Variants in ARFGEF1 observed in about 807,000 individuals in gnomAD.
ARFGEF1 encodes ARF guanine nucleotide exchange factor 1, also known as brefeldin A-inhibited guanine nucleotide-exchange protein 1.
ARFGEF1 carries 42 observed loss-of-function variants against 231.0 expected under a neutral mutation model. The ratio of observed to expected loss-of-function variants is 0.18; its 90% CI spans 0.14 to 0.24. The LOEUF (loss-of-function observed/expected upper bound fraction) is 0.24. ARFGEF1 is among the 10% of genes least tolerant of loss of function. The pLI is 1.00. For synonymous variants in ARFGEF1, 710 were observed against 732.3 expected (o/e 0.97, Z 0.49); for missense variants, 1,345 against 2,192.0 (o/e 0.61, Z 7.72).
intron 5 of ARFGEF1, among the ~76,000 whole-genome samples, chr8:67,189,655 G>C (rs1563795677): frequency 6.6e-6 from 1 of 152,036 alleles, no homozygotes; most frequent in Non-Finnish European, 1.5e-5. Flanking sequence ...TGCAGTGTAG[G>C]AGCCAGTCCT....
In ARFGEF1 at chr8:67,200,460, C is replaced by T. The variant is rs1232838320; in HGVS notation, c.5321G>A (p.Arg1774Gln). Reference sequence around the variant, plus strand: ...AAGCAGTAAGTTAGTCCAGGCTTCTCGATGACTTTCTGATGTTAGAGTGAG... The same window carrying T: ...AAGCAGTAAGTTAGTCCAGGCTTCTTGATGACTTTCTGATGTTAGAGTGAG... The part of the protein sequence containing the change: ...YFLTLTSESH[R>Q]EAWTNLLLLF... Residue 1774 changes from arginine (R) to glutamine (Q), a missense_variant, in exon 38 of 39, where the codon CGA becomes CAA. By Grantham distance (43) the Arg-to-Gln change is conservative. Coordinates refer to ENST00000262215, the MANE Select transcript of ARFGEF1 (RefSeq NM_006421.5). The T allele has an allele frequency of 6.2e-7, 1 of 1,606,906 alleles. No homozygotes were observed. Among genetic ancestry groups the T allele is most frequent in the African/African-American group, 1.3e-5 (1 of 74,726 alleles).
In ARFGEF1 at chr8:67,201,527, C is replaced by T. The variant is rs1261248319; in HGVS notation, c.5207G>A (p.Arg1736Gln). The change falls in exon 37 of 39, where the codon CGG becomes CAG. Residue 1736 changes from arginine to glutamine, a missense_variant. By Grantham distance (43) the Arg-to-Gln change is conservative. Around this residue, in one of 14 missense-constraint regions of ARFGEF1, gnomAD observed 161 missense variants for 284.9 expected, o/e 0.57. Transcript: ENST00000262215. ...SLACGLRILFRMYMDESRVSA... is the reference protein window; with the variant it reads ...SLACGLRILFQMYMDESRVSA... ...AACGCGGCTCTCATCCATGTACATC[C>T]GGAAGAGAATGCGCAGCCCACAGGC... 8.1e-6 allele frequency: 13 copies of T among 1,613,470 alleles called. No homozygotes were observed. Among genetic ancestry groups the T allele is most frequent in the Admixed American group, 3.3e-5 (2 of 59,916 alleles).
At chr8:67,236,985 C>T (rs1172455927) in intron 22 of ARFGEF1, among the ~76,000 whole-genome samples, 1 of 152,180 alleles carries the variant, frequency 6.6e-6, no homozygotes, top group Admixed American at 6.5e-5. Context: ...AGATATCCCA[C>T]TGGTGTTTTA....
intron 1 of ARFGEF1, among the ~76,000 whole-genome samples, chr8:67,332,719 T>C (rs1380478776): frequency 1.3e-5 from 2 of 152,224 alleles, no homozygotes; most frequent in Non-Finnish European, 2.9e-5. Flanking sequence ...CCTTTTTGTA[T>C]TGTTACTTAC....
At chr8:67,183,599 TAAATGA>T (rs1833583253) in intron 5 of ARFGEF1, among the ~76,000 whole-genome samples, 1 of 152,214 alleles carries the variant, frequency 6.6e-6, no homozygotes, top group Non-Finnish European at 1.5e-5. Flanking sequence ...TACTTTGATC[TAAATGA>T]AAATGAAAAT....
At position 67,215,162 on chromosome 8, in the gene ARFGEF1, C is replaced by T. The variant is rs186975212; in HGVS notation, c.4686+1428G>A. On this transcript the variant is annotated intron_variant, in intron 33 of 38. Transcript: ENST00000262215. ...AGGTTCACAGGTCCACAGATGGAGACGAATTCTGCCCCAGAATAGAGCATA... is the reference window on the plus strand; with the variant it reads ...AGGTTCACAGGTCCACAGATGGAGATGAATTCTGCCCCAGAATAGAGCATA... Among the ~76,000 whole-genome samples the T allele has an allele frequency of 1.2e-3, 184 of 152,228 alleles. 1 individual carries two copies. Among genetic ancestry groups the T allele is most frequent in the Non-Finnish European group, 1.6e-3 (112 of 68,032 alleles).
At chr8:67,210,793 G>A (rs922094856) in intron 34 of ARFGEF1, among the ~76,000 whole-genome samples, 4 of 151,618 alleles carry the variant, frequency 2.6e-5, no homozygotes, top group Non-Finnish European at 4.4e-5. Flanking sequence ...AGTGGCTCAC[G>A]CCTGTAATCC....
At chr8:67,187,307 C>G (rs1311689083) in intron 5 of ARFGEF1, among the ~76,000 whole-genome samples, 1 of 152,224 alleles carries the variant, frequency 6.6e-6, no homozygotes, top group East Asian at 1.9e-4. Flanking sequence ...CAGCTGACTT[C>G]AAGAGTTATG....
At chr8:67,335,751 CTTT>C (rs757768200) in intron 1 of ARFGEF1, among the ~76,000 whole-genome samples, 1 of 144,968 alleles carries the variant, frequency 6.9e-6, no homozygotes, top group Non-Finnish European at 1.5e-5. Flanking sequence ...TAAAGATTTT[CTTT>C]TTTTTTTTTT....
chr8:67,272,775 T>C (rs1374313511), intron 9 of ARFGEF1, among the ~76,000 whole-genome samples: 1 of 152,166 alleles, frequency 6.6e-6, no homozygotes, highest in African/African-American at 2.4e-5. Context: ...TAAAGATTTT[T>C]TTTTCTTTTG....
intron 28 of ARFGEF1, 87 bp from the exon 29 acceptor site, chr8:67,225,120 C>T (rs1425039312): frequency 3.3e-6 from 4 of 1,205,862 alleles, no homozygotes; most frequent in Non-Finnish European, 4.4e-6. Flanking sequence ...AATTTAAATG[C>T]TTCACAAATA....
At chr8:67,335,533 A>G (rs888908928) in intron 1 of ARFGEF1, among the ~76,000 whole-genome samples, 2 of 152,180 alleles carry the variant, frequency 1.3e-5, no homozygotes, top group African/African-American at 4.8e-5. Context: ...TAAAAGCCAT[A>G]GAGATTCTCT....
chr8:67,211,756 G>C (rs1269744320), intron 33 of ARFGEF1, 141 bp from the exon 34 acceptor site: 1 of 504,462 alleles, frequency 2.0e-6, no homozygotes, highest in Non-Finnish European at 3.1e-6. Context: ...AACACAATCA[G>C]AAAATTATTT....
chr8:67,238,207 G>T, intron 22 of ARFGEF1, 136 bp downstream of exon 22: 6 of 876,688 alleles, frequency 6.8e-6, no homozygotes, highest in Non-Finnish European at 9.9e-6. Context: ...TAGTTCCTTA[G>T]TCATCTTGCT....
intron 33 of ARFGEF1, among the ~76,000 whole-genome samples, chr8:67,214,011 T>C (rs1197178868): frequency 6.6e-6 from 1 of 152,184 alleles, no homozygotes; most frequent in Non-Finnish European, 1.5e-5. Flanking sequence ...GCTTTGGAAC[T>C]GGGCAATGGT....
chr8:67,242,471 CT>C (rs1222007064), intron 19 of ARFGEF1, among the ~76,000 whole-genome samples: 1 of 152,202 alleles, frequency 6.6e-6, no homozygotes, highest in Admixed American at 6.5e-5. Context: ...AACCCACTGC[CT>C]TGAAGGGAAT....
chr8:67,194,966 A>C (rs1444943099), downstream of ARFGEF1, among the ~76,000 whole-genome samples: 4 of 152,032 alleles, frequency 2.6e-5, no homozygotes, highest in Admixed American at 2.6e-4. Context: ...TATTCCCCAA[A>C]CCTTGCTTTA....
chr8:67,298,773 G>GT (rs932666617), intron 4 of ARFGEF1, among the ~76,000 whole-genome samples: 4 of 151,988 alleles, frequency 2.6e-5, no homozygotes, highest in East Asian at 1.9e-4. Flanking sequence ...TGACCTCTTC[G>GT]TTTTTTTCTT....
chr8:67,211,624 TAAA>T lies in ARFGEF1; in HGVS notation c.4687-12_4687-10del, dbSNP rs3837216. 2 of 1,339,036 alleles carry T rather than the reference TAAA, an allele frequency of 1.5e-6. No individual in the cohort carries two copies. The highest frequency in any genetic ancestry group is 2.0e-6 in the Non-Finnish European group (2 of 1,007,454). The allele number at this position is 1,339,036 out of a possible 1,614,324, so 82.9% of individuals were successfully genotyped here. A position where few individuals can be genotyped will look rare whatever the true frequency, so the allele number is the denominator to read the frequency against. On this transcript the variant is annotated splice_polypyrimidine_tract_variant and intron_variant, in intron 33 of 38. Transcript: ENST00000262215. ...TTCTGTGATATTGTATCCTAATAAA[TAAA>T]AAAAAAATCACTGTAAGTATGGTTA... is the stretch of plus-strand genomic sequence containing the variant.
Sources: allele counts gnomAD v4.1 joint callset (sites outside exome capture counted in the v4.1 genomes callset), GRCh38; gene constraint gnomAD v4.1.1; regional missense constraint gnomAD v4.1.1; transcripts MANE v1.5; gene names NCBI Gene and HGNC (gene_info 2026-07-23, HGNC 2026-07-21).